Variants in TMEM131 observed in about 807,000 individuals in gnomAD.
TMEM131 encodes the protein transmembrane protein 131.
TMEM131 carries 66 observed loss-of-function variants against 211.6 expected under a neutral mutation model. The ratio of observed to expected loss-of-function variants is 0.31; its 90% CI spans 0.26 to 0.38. TMEM131 has a LOEUF of 0.38. Ranked by LOEUF, TMEM131 falls within the 10% of genes least tolerant of loss-of-function variation. TMEM131 has a pLI of 1.00. For synonymous variants in TMEM131, 844 were observed against 841.3 expected, an observed-to-expected ratio of 1.00 and a Z score of -0.06; for missense variants, 2,036 against 2,299.3, an observed-to-expected ratio of 0.89 and a Z score of 2.34.
intron 11 of TMEM131, among the ~76,000 whole-genome samples, chr2:97,829,690 C>T (rs1390408993): frequency 6.6e-6 from 1 of 152,138 alleles, no homozygotes; most frequent in African/African-American, 2.4e-5. Flanking sequence ...TTTGGGTCCG[C>T]ACCACCTTTA....
chr2:97,971,112 G>C (rs1250479140), intron 1 of TMEM131, among the ~76,000 whole-genome samples: 2 of 152,142 alleles, frequency 1.3e-5, no homozygotes, highest in Non-Finnish European at 2.9e-5. Flanking sequence ...GACAGTTATG[G>C]AAGCAAAAGT....
At chr2:97,880,755 C>T (rs1674892857) in intron 4 of TMEM131, among the ~76,000 whole-genome samples, 1 of 152,044 alleles carries the variant, frequency 6.6e-6, no homozygotes, top group African/African-American at 2.4e-5. Flanking sequence ...CATGGAAGAG[C>T]CCACCCAGTA....
intron 11 of TMEM131, among the ~76,000 whole-genome samples, chr2:97,823,252 T>C (rs2105016095): frequency 6.6e-6 from 1 of 151,840 alleles, no homozygotes; most frequent in Non-Finnish European, 1.5e-5. Context: ...ACCACAAAAC[T>C]CCCCGGGCTA....
intron 1 of TMEM131, among the ~76,000 whole-genome samples, chr2:97,934,088 A>C (rs1677341511): frequency 6.6e-6 from 1 of 152,162 alleles, no homozygotes; most frequent in Non-Finnish European, 1.5e-5. Context: ...CCCTAATTGC[A>C]GGCTACATAC....
intron 34 of TMEM131, 40 bp from the exon 35 acceptor site, chr2:97,766,303 C>A (rs2104779887): frequency 6.2e-7 from 1 of 1,612,188 alleles, no homozygotes; most frequent in Non-Finnish European, 8.5e-7. Context: ...AATGGAGAAT[C>A]ATTCCTTTCT....
At chr2:97,864,723 T>C (rs1284712535) in intron 4 of TMEM131, among the ~76,000 whole-genome samples, 2 of 152,162 alleles carry the variant, frequency 1.3e-5, no homozygotes, top group Admixed American at 1.3e-4. Context: ...TTGGGAGAAC[T>C]GAAGGCTGCC....
chr2:97,971,537 T>C (rs1179428428), intron 1 of TMEM131, among the ~76,000 whole-genome samples: 2 of 152,350 alleles, frequency 1.3e-5, no homozygotes, highest in East Asian at 3.9e-4. Context: ...AATCAAAACT[T>C]TGTGAAATAA....
At chr2:97,987,250 T>A (rs1345020339) in intron 1 of TMEM131, among the ~76,000 whole-genome samples, 1 of 152,210 alleles carries the variant, frequency 6.6e-6, no homozygotes, top group African/African-American at 2.4e-5. Context: ...CAGTGGCTCA[T>A]GCCTGTAATC....
chr2:97,861,217 C>T (rs1301964435), intron 4 of TMEM131, among the ~76,000 whole-genome samples: 1 of 151,984 alleles, frequency 6.6e-6, no homozygotes, highest in Non-Finnish European at 1.5e-5. Context: ...ACCGCAATTC[C>T]TAAGAGAGTC....
At chr2:97,972,687 A>C (rs1679361370) in intron 1 of TMEM131, among the ~76,000 whole-genome samples, 1 of 152,194 alleles carries the variant, frequency 6.6e-6, no homozygotes, top group African/African-American at 2.4e-5. Context: ...TTAAGGCTCT[A>C]ATCAGCTGAT....
chr2:97,762,131 G>T lies in TMEM131; in HGVS notation c.4793C>A (p.Thr1598Asn). 1.9e-6 allele frequency: 3 copies of T among 1,613,882 alleles called. No homozygotes were observed. In the South Asian group the frequency reaches 3.3e-5, roughly 18 times the overall value. ...AGACGGGGAAGCAGGTGTCGGTGAG[G>T]TCTGGCGTTGTTTTAAGAAAATGTC... is the stretch of plus-strand genomic sequence containing the variant. ...NADIFLKQRQ[T>N]SPTPASPSPP... Residue 1598 changes from threonine to asparagine, a missense_variant, in exon 36 of 41, where the codon ACC (threonine) becomes AAC (asparagine). This residue lies in a region of TMEM131 where 1,623 missense variants were observed against 1,805.9 expected (regional missense o/e 0.90). Coordinates refer to ENST00000186436, the MANE Select transcript of TMEM131 (RefSeq NM_015348.2).
chr2:97,845,759 C>CAA (rs59502408), intron 5 of TMEM131, among the ~76,000 whole-genome samples: 44,299 of 121,434 alleles, frequency 0.36, 8,630 homozygotes, highest in Non-Finnish European at 0.48. Flanking sequence ...CAGAAAGTAG[C>CAA]AAAAAAAAAA....
At position 97,957,544 on chromosome 2, in the gene TMEM131, A is replaced by G. The variant is rs886234898; in HGVS notation, c.188-30057T>C. ...ATAAACAGAAAGTACCAGCTAACTC[A>G]TAGGATGGGGAGAGGCAAGGTTATT... is the stretch of plus-strand genomic sequence containing the variant. On this transcript the variant is annotated intron_variant, in intron 1 of 40. Coordinates refer to ENST00000186436, the MANE Select transcript of TMEM131 (RefSeq NM_015348.2). Among the ~76,000 whole-genome samples the G allele has an allele frequency of 3.9e-5, 6 of 152,278 alleles. No homozygotes were observed. In the East Asian group the frequency reaches 7.7e-4, roughly 20 times the overall value.
chr2:97,862,031 A>G (rs1185522749), intron 4 of TMEM131, among the ~76,000 whole-genome samples: 1 of 152,160 alleles, frequency 6.6e-6, no homozygotes, highest in Non-Finnish European at 1.5e-5. Context: ...CAGCACAGAG[A>G]GAGAGAGACT....
chr2:97,933,583 T>C (rs1314460445), intron 1 of TMEM131, among the ~76,000 whole-genome samples: 1 of 152,126 alleles, frequency 6.6e-6, no homozygotes, highest in East Asian at 1.9e-4. Context: ...ACACTTAAAA[T>C]AGTTATAAAT....
chr2:97,816,268 G>A (rs1297760761), intron 12 of TMEM131, among the ~76,000 whole-genome samples: 3 of 152,174 alleles, frequency 2.0e-5, no homozygotes, highest in Non-Finnish European at 4.4e-5. Flanking sequence ...TTGAGCCTGG[G>A]AGGTGGAGGC....
intron 1 of TMEM131, among the ~76,000 whole-genome samples, chr2:97,977,682 A>C (rs527748585): frequency 2.9e-4 from 44 of 152,332 alleles, no homozygotes; most frequent in African/African-American, 1.1e-3. Context: ...CCTAACAATT[A>C]TCTGAACCTT....
intron 29 of TMEM131, among the ~76,000 whole-genome samples, chr2:97,793,988 T>C (rs796926237): frequency 3.4e-4 from 20 of 59,080 alleles, no homozygotes; most frequent in African/African-American, 1.5e-3. Flanking sequence ...AGCGAGACTC[T>C]GTCTCAAAAA....
intron 1 of TMEM131, among the ~76,000 whole-genome samples, chr2:97,985,292 T>C (rs1004410720): frequency 3.3e-5 from 5 of 152,002 alleles, no homozygotes; most frequent in Non-Finnish European, 5.9e-5. Context: ...TAATATTAGA[T>C]TGAATAAGTT....
Sources: allele counts gnomAD v4.1 joint callset (sites outside exome capture counted in the v4.1 genomes callset), GRCh38; gene constraint gnomAD v4.1.1; regional missense constraint gnomAD v4.1.1; transcripts MANE v1.5; gene names NCBI Gene and HGNC (gene_info 2026-07-23, HGNC 2026-07-21).